The following NAV3 variants were observed in gnomAD, a reference collection of about 807,000 sequenced individuals.
NAV3 encodes the protein pore membrane and/or filament interacting like protein 1.
A neutral mutation model predicts 244.7 loss-of-function variants in NAV3; 87 were observed. The observed-to-expected ratio is 0.36, with a 90% CI of 0.30 to 0.42. NAV3 has a LOEUF of 0.42. Ranked by LOEUF, NAV3 falls within the 20% of genes least tolerant of loss-of-function variation. The pLI is 1.00. For synonymous variants in NAV3, 1,126 were observed against 1,042.2 expected, an observed-to-expected ratio of 1.08 and a Z score of -1.55; for missense variants, 2,663 against 2,893.3, an observed-to-expected ratio of 0.92 and a Z score of 1.83.
At chr12:77,993,498 G>A (rs1871798653) in intron 5 of NAV3, among the ~76,000 whole-genome samples, 1 of 152,128 alleles carries the variant, frequency 6.6e-6, no homozygotes, top group Non-Finnish European at 1.5e-5. Context: ...GCTCAGTGTA[G>A]TTAGAATACA....
intron 2 of NAV3, among the ~76,000 whole-genome samples, chr12:77,741,130 T>G (rs1368825596): frequency 8.2e-5 from 1 of 12,176 alleles, no homozygotes; most frequent in Non-Finnish European, 1.7e-4. Context: ...TTAGAAATAG[T>G]CAAAGAAAAA....
At chr12:78,112,623 C>A (rs1200823626) in intron 12 of NAV3, among the ~76,000 whole-genome samples, 1 of 152,106 alleles carries the variant, frequency 6.6e-6, no homozygotes, top group African/African-American at 2.4e-5. Context: ...AGAGTAACTG[C>A]CCCCATGACT....
At chr12:77,859,534 G>A (rs1164600130) in intron 1 of NAV3, among the ~76,000 whole-genome samples, 1 of 151,406 alleles carries the variant, frequency 6.6e-6, no homozygotes, top group Non-Finnish European at 1.5e-5. Context: ...CGAGTTAGTG[G>A]GTGCAGCGCA....
chr12:78,127,558 T>C (rs1955970915), intron 17 of NAV3, among the ~76,000 whole-genome samples: 1 of 152,210 alleles, frequency 6.6e-6, no homozygotes. Context: ...AATGCAGAAC[T>C]CACTTCAACA....
chr12:77,989,450 AAACC>A (rs1409451989), intron 5 of NAV3, among the ~76,000 whole-genome samples: 9 of 152,306 alleles, frequency 5.9e-5, no homozygotes, highest in African/African-American at 1.4e-4. Flanking sequence ...GAGCTAGCTA[AAACC>A]AACCAACCAA....
At chr12:77,652,812 G>T (rs1189333972) in intron 2 of NAV3, among the ~76,000 whole-genome samples, 3 of 152,178 alleles carry the variant, frequency 2.0e-5, no homozygotes. Flanking sequence ...AAAAATAGTA[G>T]AGCCCATTAT....
intron 24 of NAV3, among the ~76,000 whole-genome samples, chr12:78,171,725 A>G (rs1416670254): frequency 6.6e-6 from 1 of 151,514 alleles, no homozygotes; most frequent in East Asian, 1.9e-4. Context: ...AGGTAATTGT[A>G]TGGCATATAA....
chr12:77,774,871 T>G (rs943892826), intron 2 of NAV3, among the ~76,000 whole-genome samples: 2 of 152,172 alleles, frequency 1.3e-5, no homozygotes, highest in African/African-American at 4.8e-5. Context: ...ATAGAAGAAA[T>G]TAGGAGACAA....
intron 2 of NAV3, among the ~76,000 whole-genome samples, chr12:77,818,753 C>T (rs77917483): frequency 0.061 from 9,300 of 152,002 alleles, 446 homozygotes; most frequent in Non-Finnish European, 0.097. Flanking sequence ...TTTAATATTG[C>T]GTCGATTCTG....
intron 12 of NAV3, among the ~76,000 whole-genome samples, chr12:78,089,490 T>C (rs1953812072): frequency 1.3e-5 from 2 of 152,178 alleles, no homozygotes; most frequent in Admixed American, 1.3e-4. Flanking sequence ...TTATCAAAAA[T>C]ATACTGTATT....
chr12:77,665,603 C>A (rs1260803785), intron 2 of NAV3, among the ~76,000 whole-genome samples: 1 of 152,114 alleles, frequency 6.6e-6, no homozygotes, highest in Non-Finnish European at 1.5e-5. Context: ...TCTTTAAAAT[C>A]TGATATGATT....
At chr12:77,796,846 T>C (rs1382650682) in intron 2 of NAV3, among the ~76,000 whole-genome samples, 1 of 55,586 alleles carries the variant, frequency 1.8e-5, no homozygotes, top group Non-Finnish European at 4.1e-5. Flanking sequence ...TTAATTAAGG[T>C]TTTTTTTTTT....
At chr12:78,196,590 A>G (rs111477585) in intron 34 of NAV3, among the ~76,000 whole-genome samples, 1,880 of 152,106 alleles carry the variant, frequency 0.012, 33 homozygotes, top group African/African-American at 0.042. Flanking sequence ...TCATATTTAG[A>G]TTAAAAGCTA....
intron 9 of NAV3, among the ~76,000 whole-genome samples, chr12:78,035,885 A>G (rs1225220230): frequency 6.6e-6 from 1 of 152,106 alleles, no homozygotes. Flanking sequence ...GTCATGCTTC[A>G]TTTTTTAGGT....
chr12:77,673,877 T>C (rs1874095120), intron 2 of NAV3, among the ~76,000 whole-genome samples: 1 of 152,156 alleles, frequency 6.6e-6, no homozygotes, highest in Non-Finnish European at 1.5e-5. Context: ...GTAATTGATA[T>C]TTAGATTCAA....
chr12:77,959,877 T>C, intron 3 of NAV3, among the ~76,000 whole-genome samples: 1 of 142,078 alleles, frequency 7.0e-6, no homozygotes, highest in East Asian at 2.0e-4. Context: ...CAACATCTTT[T>C]CTACTCCAGA....
chr12:78,013,814 CGAA>C (rs1875723431), intron 8 of NAV3, among the ~76,000 whole-genome samples: 1 of 151,966 alleles, frequency 6.6e-6, no homozygotes, highest in Non-Finnish European at 1.5e-5. Flanking sequence ...TGTTAAATCT[CGAA>C]GGAGGTTCCA....
intron 22 of NAV3, among the ~76,000 whole-genome samples, chr12:78,155,871 T>G (rs959030477): frequency 2.0e-5 from 3 of 152,184 alleles, no homozygotes; most frequent in African/African-American, 7.2e-5. Context: ...GCGCATTTGT[T>G]GAAGTTCCTT....
chr12:77,756,500 G>A (rs1217373809), intron 2 of NAV3, among the ~76,000 whole-genome samples: 2 of 152,108 alleles, frequency 1.3e-5, no homozygotes, highest in African/African-American at 4.8e-5. Flanking sequence ...CCATTCTCTT[G>A]TTATATTCAG....
Sources: allele counts gnomAD v4.1 joint callset (sites outside exome capture counted in the v4.1 genomes callset), GRCh38; gene constraint gnomAD v4.1.1; transcripts MANE v1.5; gene names NCBI Gene and HGNC (gene_info 2026-07-23, HGNC 2026-07-21).